The following SLC26A7 variants were observed in gnomAD, a reference collection of about 807,000 sequenced individuals.
SLC26A7 encodes the protein anion exchange transporter.
In SLC26A7, 59 loss-of-function variants were observed where a neutral mutation model predicts 82.5. The observed-to-expected ratio is 0.72, with a 90% CI of 0.58 to 0.89. The LOEUF is 0.89. Ranked by LOEUF, SLC26A7 falls within the 40% of genes least tolerant of loss-of-function variation. SLC26A7 has a pLI of 0.00. For synonymous variants in SLC26A7, 271 were observed against 274.3 expected (o/e 0.99, Z 0.12); for missense variants, 820 against 793.0 (o/e 1.03, Z -0.41).
intron 2 of SLC26A7, among the ~76,000 whole-genome samples, chr8:91,264,517 A>T (rs1811055505): frequency 6.6e-6 from 1 of 151,942 alleles, no homozygotes; most frequent in Non-Finnish European, 1.5e-5. Flanking sequence ...TCCACTCCTT[A>T]TACCTGAGCC....
intron 1 of SLC26A7, among the ~76,000 whole-genome samples, chr8:91,211,618 T>A (rs150330465): frequency 0.1 from 13,050 of 124,690 alleles, 724 homozygotes; most frequent in African/African-American, 0.17. Context: ...ATATATATAT[T>A]TTTTTTTTAT....
At chr8:91,290,816 A>T (rs1447705762) in intron 3 of SLC26A7, among the ~76,000 whole-genome samples, 2 of 152,180 alleles carry the variant, frequency 1.3e-5, no homozygotes, top group Admixed American at 6.5e-5. Context: ...CATTTTATTT[A>T]TGTAGATTTG....
chr8:91,315,483 A>T (rs1452704821), intron 4 of SLC26A7, among the ~76,000 whole-genome samples: 2 of 150,950 alleles, frequency 1.3e-5, no homozygotes, highest in African/African-American at 4.9e-5. Flanking sequence ...ACCATGTTCC[A>T]CTTGTGCCCA....
chr8:91,238,564 T>TAC (rs1223832925), intron 2 of SLC26A7, among the ~76,000 whole-genome samples: 8 of 148,236 alleles, frequency 5.4e-5, no homozygotes, highest in East Asian at 1.9e-4. Flanking sequence ...CATATATATA[T>TAC]ACACACACAC....
At chr8:91,285,138 A>G (rs1405566559) in intron 2 of SLC26A7, among the ~76,000 whole-genome samples, 1 of 152,254 alleles carries the variant, frequency 6.6e-6, no homozygotes, top group Admixed American at 6.5e-5. Flanking sequence ...GTTTGCTGGC[A>G]AGCTTTGACA....
At chr8:91,268,952 AAC>A (rs1811190957) in intron 2 of SLC26A7, among the ~76,000 whole-genome samples, 1 of 151,868 alleles carries the variant, frequency 6.6e-6, no homozygotes, top group Non-Finnish European at 1.5e-5. Flanking sequence ...ACAAAAAAAA[AAC>A]TAACAAAAAC....
chr8:91,216,971 A>G (rs1810060042), intron 1 of SLC26A7, among the ~76,000 whole-genome samples: 1 of 152,156 alleles, frequency 6.6e-6, no homozygotes, highest in Admixed American at 6.6e-5. Context: ...AGGCAGACAC[A>G]TTCTAGTCAA....
intron 4 of SLC26A7, among the ~76,000 whole-genome samples, chr8:91,306,746 G>T (rs1204824999): frequency 3.3e-5 from 5 of 150,196 alleles, no homozygotes; most frequent in Non-Finnish European, 5.9e-5. Flanking sequence ...GTCTCACTCT[G>T]TTGCTCAGGC....
At chr8:91,382,064 TG>T (rs1814685259) in intron 15 of SLC26A7, among the ~76,000 whole-genome samples, 2 of 152,130 alleles carry the variant, frequency 1.3e-5, no homozygotes, top group Admixed American at 1.3e-4. Flanking sequence ...TTTTTTCCTA[TG>T]AGTCAAAGTA....
chr8:91,310,092 G>T (rs1812437476), intron 4 of SLC26A7, among the ~76,000 whole-genome samples: 1 of 151,898 alleles, frequency 6.6e-6, no homozygotes, highest in African/African-American at 2.4e-5. Flanking sequence ...CCTGGTTCTG[G>T]CTGGGACCAA....
chr8:91,332,573 G>T (rs1315572930), intron 5 of SLC26A7, among the ~76,000 whole-genome samples: 1 of 148,414 alleles, frequency 6.7e-6, no homozygotes, highest in African/African-American at 2.5e-5. Flanking sequence ...TGTTGCCCAG[G>T]CTGGAGTGTA....
chr8:91,322,615 G>C (rs1812823024), intron 5 of SLC26A7, among the ~76,000 whole-genome samples: 1 of 152,114 alleles, frequency 6.6e-6, no homozygotes. Context: ...TTCCTAGTTC[G>C]TATTAGCACA....
intron 15 of SLC26A7, among the ~76,000 whole-genome samples, chr8:91,384,852 TG>T (rs1378763768): frequency 6.6e-6 from 1 of 152,168 alleles, no homozygotes; most frequent in Non-Finnish European, 1.5e-5. Context: ...GGCAATGCTG[TG>T]GTTTGTCTTC....
At chr8:91,232,195 C>T (rs1810319116) in intron 2 of SLC26A7, among the ~76,000 whole-genome samples, 1 of 152,148 alleles carries the variant, frequency 6.6e-6, no homozygotes, top group Non-Finnish European at 1.5e-5. Context: ...GAACTCAAGT[C>T]TTTCAATGTA....
chr8:91,245,718 C>T (rs780206480), upstream of SLC26A7, among the ~76,000 whole-genome samples: 1 of 152,062 alleles, frequency 6.6e-6, no homozygotes, highest in Admixed American at 6.6e-5. Context: ...AAAAATACTG[C>T]GAGAGAATTT....
chr8:91,245,572 G>C (rs900946237), upstream of SLC26A7, among the ~76,000 whole-genome samples: 6 of 152,022 alleles, frequency 3.9e-5, no homozygotes, highest in East Asian at 1.2e-3. Flanking sequence ...TCAACTTCCT[G>C]AGGTAGGTAT....
intron 2 of SLC26A7, among the ~76,000 whole-genome samples, chr8:91,262,602 G>T (rs1477030639): frequency 1.3e-5 from 2 of 151,978 alleles, no homozygotes; most frequent in Admixed American, 1.3e-4. Flanking sequence ...TAGAATATCA[G>T]GTTGGCCTCT....
In SLC26A7 at chr8:91,394,038, A is replaced by G; in HGVS notation, c.1934A>G (p.Lys645Arg). The part of the protein sequence containing the change: ...SAAISHIHSN[K>R]NLSKLSDHSE... ...GCAATAAGTCATATCCATTCAAATA[A>G]GGTGAGTTGATTAAGTTGGGCTGAA... The change falls in exon 18 of 19, where the codon AAG becomes AGG. Residue 645 changes from lysine (K) to arginine (R), a missense_variant and splice_region_variant. By Grantham distance (26) the Lys-to-Arg change is conservative. Transcript: ENST00000276609. 1.9e-6 allele frequency: 3 copies of G among 1,612,120 alleles called. No homozygotes were observed. Among genetic ancestry groups the G allele is most frequent in the Non-Finnish European group, 2.5e-6 (3 of 1,178,520 alleles).
intron 2 of SLC26A7, 134 bp from the exon 3 acceptor site, chr8:91,289,002 C>A: frequency 1.7e-6 from 1 of 601,962 alleles, no homozygotes; most frequent in Non-Finnish European, 3.0e-6. Flanking sequence ...GGCAATAATG[C>A]TAGACTCTTG....
Sources: gnomAD v4.1 joint callset for allele counts (sites outside exome capture counted in the v4.1 genomes callset) on GRCh38, gnomAD v4.1.1 for gene constraint, MANE v1.5 for transcripts, NCBI Gene and HGNC (gene_info 2026-07-23, HGNC 2026-07-21) for gene names.